MICALL2: variants seen among roughly 807,000 people sequenced by gnomAD.
MICALL2 encodes the protein MICAL-like protein 2.
MICALL2 carries 111 observed loss-of-function variants against 91.1 expected under a neutral mutation model. The ratio of observed to expected loss-of-function variants is 1.22; its 90% CI spans 1.04 to 1.43. The LOEUF is 1.43. Among genes scored for constraint, MICALL2 ranks in the 40% most tolerant of loss-of-function variants. The pLI, the probability that MICALL2 is intolerant of heterozygous loss-of-function variation, is 0.00. For missense variants in MICALL2, 1,556 were observed against 1,236.0 expected (o/e 1.26, Z -3.88); for synonymous variants, 694 against 525.3 (o/e 1.32, Z -4.39).
At position 1,459,382 on chromosome 7, in the gene MICALL2, G is replaced by C; in HGVS notation, c.-56C>G. 7.3e-7 allele frequency: 1 copy of C among 1,375,940 alleles called. No individual in the cohort carries two copies. Among genetic ancestry groups the C allele is most frequent in the Non-Finnish European group, 9.4e-7 (1 of 1,065,198 alleles). The allele number at this position is 1,375,940 out of a possible 1,614,324, so 85.2% of individuals were successfully genotyped here. On this transcript the variant is annotated 5_prime_UTR_variant, in exon 1 of 17. Transcript: ENST00000297508. ...CGCCCTCCGACACCTTCCCGCGGCT[G>C]TGCCGCGACCGCCCGGCCGGCGGGA...
chr7:1,434,967 G>A, intron 16 of MICALL2, 134 bp downstream of exon 16: 1 of 954,744 alleles, frequency 1.0e-6, no homozygotes, highest in Admixed American at 2.0e-5. Context: ...CCAAGGCTGA[G>A]GGGGGGACCC....
In MICALL2 at chr7:1,436,732, T is replaced by G; in HGVS notation, c.2591+10A>C. 6.3e-7 allele frequency: 1 copy of G among 1,595,114 alleles called. No homozygotes were observed. ...CTGGCTGGGAGGGGCCCCCGGCACC[T>G]GCCCCTCACCGGAGCCGGTCCTCGT... On this transcript the variant is annotated intron_variant, in intron 15 of 16. Coordinates refer to ENST00000297508, the MANE Select transcript of MICALL2 (RefSeq NM_182924.4).
At chr7:1,440,754 G>A (rs1780242692) in intron 7 of MICALL2, 70 bp from the exon 8 acceptor site, 1 of 1,326,152 alleles carries the variant, frequency 7.5e-7, no homozygotes, top group Non-Finnish European at 1.1e-6. Context: ...AAGGGTGGCT[G>A]TGCCTCCCCC....
chr7:1,436,472 G>A (rs1352883048), intron 15 of MICALL2, among the ~76,000 whole-genome samples: 1 of 149,956 alleles, frequency 6.7e-6, no homozygotes, highest in Non-Finnish European at 1.5e-5. Flanking sequence ...AGAATCATTT[G>A]AACCTGGAAG....
At position 1,451,972 on chromosome 7, in the gene MICALL2, CGGTGG is replaced by C. The variant is rs1422927269; in HGVS notation, c.144-1689_144-1685del. Among the ~76,000 whole-genome samples, 2 of 152,186 alleles carry C rather than the reference CGGTGG, an allele frequency of 1.3e-5. No homozygotes were observed. On this transcript the variant is annotated intron_variant, in intron 1 of 16. Transcript: ENST00000297508. This position sits in a 1 kb window ranked among gnomAD's most constrained non-coding sequence, Gnocchi z 4.5. ...AAACTGAGGCCAGGCAGCAGCCACA[CGGTGG>C]GGTGGGGGCAGTGGGATGGGGGCTG...
rs756291317 is a variant in MICALL2 at position 1,442,301 on chromosome 7, T to C, written c.1602A>G (p.Ala534=). ...STSQASALPP[A]GRRNLAESSG... ...AGGATTCCGCCAAGTTCCTCCTGCC[T>C]GCCGGGGGCAACGCGGATGCCTGAG... Residue 534 remains alanine (A), a synonymous_variant, in exon 7 of 17, where the codon GCA becomes GCG. Coordinates refer to ENST00000297508, the MANE Select transcript of MICALL2 (RefSeq NM_182924.4). 5.6e-6 allele frequency: 9 copies of C among 1,613,002 alleles called. No individual in the cohort carries two copies. Among genetic ancestry groups the C allele is most frequent in the Non-Finnish European group, 7.6e-6 (9 of 1,179,910 alleles).
chr7:1,442,153 G>C (rs767080815), intron 7 of MICALL2, 39 bp downstream of exon 7: 64 of 1,603,532 alleles, frequency 4.0e-5, no homozygotes, highest in Non-Finnish European at 4.6e-5. Flanking sequence ...CCAGAGCTGC[G>C]GGCCCCCGGG....
intron 14 of MICALL2, 32 bp from the exon 15 acceptor site, chr7:1,436,888 C>G (rs1322647403): frequency 3.4e-6 from 5 of 1,456,178 alleles, no homozygotes; most frequent in South Asian, 1.3e-5. Context: ...AGGAGCCCCC[C>G]CCACCACTGC....
rs759961301 is a variant in MICALL2, at chr7:1,440,556, T to C, written c.1805+35A>G. ...CTGCATTTATTAAGCACCTATGGTG[T>C]ACCAGGCCCTGGGCCAGCCCCACCC... On this transcript the variant is annotated intron_variant, in intron 8 of 16. Coordinates refer to ENST00000297508, the MANE Select transcript of MICALL2 (RefSeq NM_182924.4). 5.1e-6 allele frequency: 8 copies of C among 1,559,862 alleles called. No homozygotes were observed. The South Asian group carries it at 7.8e-5, about 15-fold the overall frequency.
At chr7:1,437,645 C>CG in intron 13 of MICALL2, 37 bp from the exon 14 acceptor site, 1 of 1,530,148 alleles carries the variant, frequency 6.5e-7, no homozygotes, top group Non-Finnish European at 8.8e-7. Context: ...CTGACTCTGC[C>CG]GCCCTGTCCC....
intron 1 of MICALL2, among the ~76,000 whole-genome samples, chr7:1,453,665 G>A (rs1487649135): frequency 2.0e-5 from 3 of 152,134 alleles, no homozygotes; most frequent in Non-Finnish European, 4.4e-5. Context: ...CCCAGCCACC[G>A]CTGCAAACCT....
chr7:1,459,128 C>G, intron 1 of MICALL2, 56 bp downstream of exon 1: 1 of 1,544,594 alleles, frequency 6.5e-7, no homozygotes. Context: ...TTTCCCCGCC[C>G]GTGTCAGCGC....
rs1780890546 is a variant in MICALL2 at position 1,452,988 on chromosome 7, G to A, written c.144-2700C>T. Reference sequence around the variant, plus strand: ...CACACTCCGCCCGATGCACCCGCCAGGCCCTCCCCAGATGCACCTTGCTGT... The same window carrying A: ...CACACTCCGCCCGATGCACCCGCCAAGCCCTCCCCAGATGCACCTTGCTGT... On this transcript the variant is annotated intron_variant, in intron 1 of 16. Transcript: ENST00000297508. This position sits in a 1 kb window ranked among gnomAD's most constrained non-coding sequence, Gnocchi z 6.2. 6.6e-6 allele frequency among the ~76,000 whole-genome samples: 1 copy of A among 151,914 alleles called. No homozygotes were observed. The highest frequency in any genetic ancestry group is 1.5e-5 in the Non-Finnish European group (1 of 67,978).
chr7:1,439,194 C>A (rs1446818410), intron 9 of MICALL2, 199 bp from the exon 10 acceptor site: 4 of 548,668 alleles, frequency 7.3e-6, no homozygotes, highest in African/African-American at 5.7e-5. Flanking sequence ...AGGGGGCTAA[C>A]CCACGGGGCT....
rs575292240 is a variant in MICALL2 at position 1,446,885 on chromosome 7, T to G, written c.526-57A>C. On this transcript the variant is annotated intron_variant, in intron 4 of 16. Coordinates refer to ENST00000297508, the MANE Select transcript of MICALL2 (RefSeq NM_182924.4). The stretch of plus-strand genomic sequence containing the variant: ...CCGTCCACCCAGCCCTCCCTCCTGG[T>G]GGCAGCCCACAGGTGGCCGGAAGAG... 5.2e-5 allele frequency: 66 copies of G among 1,276,416 alleles called. No individual in the cohort carries two copies. The African/African-American group carries it at 7.7e-4, about 15-fold the overall frequency. The allele number at this position is 1,276,416 out of a possible 1,614,324, so 79.1% of individuals were successfully genotyped here.
At chr7:1,435,076 C>T (rs1422845802) in intron 16 of MICALL2, 25 bp downstream of exon 16, 2 of 1,611,206 alleles carry the variant, frequency 1.2e-6, no homozygotes, top group African/African-American at 1.3e-5. Context: ...GCCAGCCCAG[C>T]CCTCAGCATC....
At chr7:1,457,391 G>A (rs1026366731) in intron 1 of MICALL2, among the ~76,000 whole-genome samples, 2 of 152,174 alleles carry the variant, frequency 1.3e-5, no homozygotes, top group East Asian at 3.9e-4. Flanking sequence ...GGGGGCAGAG[G>A]GCCTCCTCTC....
rs770020879 is a variant in MICALL2, at chr7:1,439,017, G to C, written c.1967-22C>G. ...CTGGCTGCCCCCAGGTGGGGAGACA[G>C]AGCCACGCTTCAGAGCAGGGCCACT... On this transcript the variant is annotated intron_variant, in intron 9 of 16. Transcript: ENST00000297508. 5.7e-6 allele frequency: 9 copies of C among 1,571,268 alleles called. No homozygotes were observed. In the Admixed American group the frequency reaches 6.8e-5, roughly 12 times the overall value.
chr7:1,459,203 G>C lies in MICALL2; in HGVS notation c.124C>G (p.Arg42Gly), dbSNP rs779404747. Residue 42 changes from arginine to glycine, a missense_variant, in exon 1 of 17, where the codon CGC (arginine) becomes GGC (glycine). By Grantham distance (125) the Arg-to-Gly change is moderately radical. Coordinates refer to ENST00000297508, the MANE Select transcript of MICALL2 (RefSeq NM_182924.4). ...DGLAFCAILH[R>G]HRPDLINFSA... ...ACTTACATGAGGTCGGGCCGGTGGC[G>C]GTGCAGGATGGCGCAGAAAGCCAGG... The C allele has an allele frequency of 6.2e-7, 1 of 1,610,084 alleles. No individual in the cohort carries two copies. The highest frequency in any genetic ancestry group is 8.5e-7 in the Non-Finnish European group (1 of 1,178,614).
Sources: gnomAD v4.1 joint callset for allele counts (sites outside exome capture counted in the v4.1 genomes callset) on GRCh38, gnomAD v4.1.1 for gene constraint, Gnocchi (gnomAD v3.1) non-coding constraint, MANE v1.5 for transcripts, NCBI Gene and HGNC (gene_info 2026-07-23, HGNC 2026-07-21) for gene names.